GRM5: variants seen among roughly 807,000 people sequenced by gnomAD.
The protein encoded by GRM5 is metabotropic glutamate receptor 5.
Under a neutral mutation model 83.1 loss-of-function variants are expected in GRM5, and 19 were observed. The observed-to-expected ratio is 0.23, with a 90% confidence interval of 0.16 to 0.34. The LOEUF is 0.34. Among genes scored for constraint, GRM5 ranks in the 10% least tolerant of loss-of-function variants. GRM5 has a pLI of 1.00. For missense variants in GRM5, 1,160 were observed against 1,588.3 expected, an observed-to-expected ratio of 0.73 and a Z score of 4.58; for synonymous variants, 675 against 633.6, an observed-to-expected ratio of 1.07 and a Z score of -0.98.
At chr11:88,621,035 A>G (rs1487505101) in intron 4 of GRM5, among the ~76,000 whole-genome samples, 1 of 152,174 alleles carries the variant, frequency 6.6e-6, no homozygotes, top group African/African-American at 2.4e-5. Context: ...TCTGATGGAT[A>G]TATTATTTTA....
chr11:88,847,439 T>C (rs1323502196), intron 3 of GRM5, among the ~76,000 whole-genome samples: 1 of 152,220 alleles, frequency 6.6e-6, no homozygotes, highest in Non-Finnish European at 1.5e-5. Context: ...AATGGTCCTA[T>C]AAATGGTTCT....
intron 4 of GRM5, among the ~76,000 whole-genome samples, chr11:88,650,640 T>G (rs1307522703): frequency 1.3e-5 from 2 of 152,014 alleles, no homozygotes; most frequent in Non-Finnish European, 2.9e-5. Flanking sequence ...TCAAAAGTAG[T>G]GGGTAGTGAA....
rs186054806 is a variant in GRM5, at chr11:88,589,093, G to A, written c.1690+1508C>T. ...CCATGCAAGTTAGTTGACGATGCAA[G>A]ACAGTTTTTTATTTTCACAATAATC... On this transcript the variant is annotated intron_variant, in intron 7 of 9. Transcript: ENST00000305447. 1.4e-3 allele frequency among the ~76,000 whole-genome samples: 215 copies of A among 152,216 alleles called. 1 individual carries two copies. Among genetic ancestry groups the A allele is most frequent in the African/African-American group, 4.9e-3 (203 of 41,538 alleles).
In GRM5 at chr11:88,541,652, T is replaced by C. The variant is rs76705999; in HGVS notation, c.2631-16248A>G. 1.2e-3 allele frequency among the ~76,000 whole-genome samples: 176 copies of C among 152,354 alleles called. 3 individuals carry two copies. The East Asian group carries it at 0.026, about 23-fold the overall frequency. On this transcript the variant is annotated intron_variant, in intron 8 of 9. Transcript: ENST00000305447. ...TCTCAGCAATACCACTTACTAGCTA[T>C]ATTGTTATGAATAACTTATATAACT...
intron 3 of GRM5, among the ~76,000 whole-genome samples, chr11:88,772,051 G>A (rs549259334): frequency 6.6e-6 from 1 of 150,732 alleles, no homozygotes; most frequent in South Asian, 2.1e-4. Context: ...TTTTTTAACT[G>A]AGCAGTATTA....
intron 2 of GRM5, among the ~76,000 whole-genome samples, chr11:88,943,777 T>A (rs1438054686): frequency 6.6e-6 from 1 of 152,014 alleles, no homozygotes; most frequent in Non-Finnish European, 1.5e-5. Flanking sequence ...ATATCCAGAT[T>A]TCTCTCTTTT....
intron 2 of GRM5, among the ~76,000 whole-genome samples, chr11:88,946,681 G>A (rs1938293428): frequency 1.3e-5 from 2 of 152,128 alleles, no homozygotes; most frequent in African/African-American, 4.8e-5. Flanking sequence ...GTGAATGGGA[G>A]AAACAGTTGA....
At chr11:88,938,193 G>A (rs1937964160) in intron 2 of GRM5, among the ~76,000 whole-genome samples, 1 of 151,652 alleles carries the variant, frequency 6.6e-6, no homozygotes, top group Non-Finnish European at 1.5e-5. Context: ...TTTGTCAGTT[G>A]TATGTCAAGA....
In GRM5 at chr11:88,874,953, G is replaced by A. The variant is rs540598753; in HGVS notation, c.662-24798C>T. On this transcript the variant is annotated intron_variant, in intron 2 of 9. Coordinates refer to ENST00000305447, the MANE Select transcript of GRM5 (RefSeq NM_001143831.3). ...ATCTGTGCCTTCAGCAAGGCATAAT[G>A]TTTTTGCTGATAGAGGATCTTGTCT... 3.4e-4 allele frequency among the ~76,000 whole-genome samples: 51 copies of A among 152,038 alleles called. No homozygotes were observed. In the South Asian group the frequency reaches 0.01, roughly 31 times the overall value.
chr11:88,782,830 G>A (rs1942999303), intron 3 of GRM5, among the ~76,000 whole-genome samples: 1 of 152,118 alleles, frequency 6.6e-6, no homozygotes, highest in Non-Finnish European at 1.5e-5. Flanking sequence ...AACATCAATA[G>A]TGATAATGGC....
In GRM5 at chr11:88,628,912, T is replaced by C. The variant is rs116800562; in HGVS notation, c.1148-23948A>G. ...CCCTTTTTTTCTAGTCACATGAATG[T>C]AGGAGGGAGATTGAGACCAGGATCT... On this transcript the variant is annotated intron_variant, in intron 4 of 9. Coordinates refer to ENST00000305447, the MANE Select transcript of GRM5 (RefSeq NM_001143831.3). 2.6e-3 allele frequency among the ~76,000 whole-genome samples: 396 copies of C among 152,222 alleles called. 1 individual carries two copies. Among genetic ancestry groups the C allele is most frequent in the African/African-American group, 9.2e-3 (380 of 41,528 alleles).
At chr11:89,001,010 C>T (rs550325242) in intron 2 of GRM5, among the ~76,000 whole-genome samples, 33 of 151,980 alleles carry the variant, frequency 2.2e-4, no homozygotes, top group Non-Finnish European at 4.4e-4. Flanking sequence ...TAGCACTATA[C>T]CCTTAGCAGG....
At chr11:89,013,578 G>A (rs1296425040) in intron 2 of GRM5, among the ~76,000 whole-genome samples, 4 of 152,134 alleles carry the variant, frequency 2.6e-5, no homozygotes, top group South Asian at 2.1e-4. Context: ...GAAGCACTCC[G>A]AAATCTTTAT....
At chr11:88,840,980 A>G (rs939938833) in intron 3 of GRM5, among the ~76,000 whole-genome samples, 9 of 152,176 alleles carry the variant, frequency 5.9e-5, no homozygotes, top group African/African-American at 2.2e-4. Context: ...TTCTTGTACA[A>G]CCAAAAGACT....
intron 7 of GRM5, among the ~76,000 whole-genome samples, chr11:88,581,820 A>G (rs144621696): frequency 8.5e-5 from 13 of 152,318 alleles, no homozygotes; most frequent in Non-Finnish European, 8.8e-5. Flanking sequence ...TTATATTGGA[A>G]AAAATATTTT....
chr11:88,943,251 C>T (rs568361634), intron 2 of GRM5, among the ~76,000 whole-genome samples: 2 of 152,208 alleles, frequency 1.3e-5, no homozygotes, highest in South Asian at 2.1e-4. Context: ...TTTAATCAAA[C>T]ATAACTTTCA....
chr11:88,572,162 A>G (rs551802236), intron 7 of GRM5, among the ~76,000 whole-genome samples: 6 of 152,316 alleles, frequency 3.9e-5, no homozygotes, highest in South Asian at 4.1e-4. Context: ...AAAAGCTATC[A>G]GTGTGGAAGT....
chr11:88,585,196 T>A (rs1943288020), intron 7 of GRM5, among the ~76,000 whole-genome samples: 1 of 152,224 alleles, frequency 6.6e-6, no homozygotes, highest in South Asian at 2.1e-4. Flanking sequence ...AAACCTAGCA[T>A]ACGAACAGCC....
chr11:88,515,266 CTATT>C (rs1457129536), intron 9 of GRM5, among the ~76,000 whole-genome samples: 2 of 152,110 alleles, frequency 1.3e-5, no homozygotes, highest in African/African-American at 4.8e-5. Flanking sequence ...TCAAATCAAA[CTATT>C]TATTTTGATC....
Sources: allele counts gnomAD v4.1 joint callset (sites outside exome capture counted in the v4.1 genomes callset), GRCh38; gene constraint gnomAD v4.1.1; transcripts MANE v1.5; gene names NCBI Gene and HGNC (gene_info 2026-07-23, HGNC 2026-07-21).